The following KCMF1 variants were observed in gnomAD, a reference collection of about 807,000 sequenced individuals.
The protein encoded by KCMF1 is potassium channel modulatory factor 1, also known as E3 ubiquitin-protein ligase KCMF1.
In KCMF1, 3 loss-of-function variants were observed where a neutral mutation model predicts 41.1. That is an observed-to-expected ratio of 0.07 (90% CI 0.03 to 0.19). The LOEUF (loss-of-function observed/expected upper bound fraction) is 0.19, where lower values mean the gene tolerates loss of function less well. Among genes scored for constraint, KCMF1 ranks in the 10% least tolerant of loss-of-function variants. The probability of loss-of-function intolerance (pLI) is 1.00; values close to 1 mark genes in which losing one functional copy is unlikely to be tolerated. For synonymous variants in KCMF1, 142 were observed against 164.5 expected (o/e 0.86, Z 1.04); for missense variants, 286 against 488.9 (o/e 0.58, Z 3.91).
chr2:85,048,712 A>G (rs1675729897), intron 5 of KCMF1, among the ~76,000 whole-genome samples: 1 of 152,228 alleles, frequency 6.6e-6, no homozygotes, highest in Non-Finnish European at 1.5e-5. Context: ...ACAGGCCACT[A>G]AGTAGGCTGT....
At chr2:85,039,899 G>A (rs1023137610) in intron 3 of KCMF1, among the ~76,000 whole-genome samples, 39 of 152,066 alleles carry the variant, frequency 2.6e-4, no homozygotes, top group African/African-American at 9.4e-4. Context: ...TGCAACCTCT[G>A]CCTCCCAAGT....
At chr2:84,979,473 G>A (rs1214453053) in intron 1 of KCMF1, among the ~76,000 whole-genome samples, 1 of 149,812 alleles carries the variant, frequency 6.7e-6, no homozygotes, top group African/African-American at 2.5e-5. Flanking sequence ...GCAGTGAGCT[G>A]AGATCACCCA....
At position 85,054,460 on chromosome 2, in the gene KCMF1, C is replaced by CT. The variant is rs1370228200; in HGVS notation, c.*1055dup. 6.6e-6 allele frequency: 1 copy of CT among 152,024 alleles called. No individual in the cohort carries two copies. The highest frequency in any genetic ancestry group is 2.4e-5 in the African/African-American group (1 of 41,390). 9.4% of individuals were successfully genotyped at this position (152,024 alleles called of 1,614,324 possible). A position where few individuals can be genotyped will look rare whatever the true frequency, so the allele number is the denominator to read the frequency against. ...AAATTCTTAATGCTAATTTTAGCAC[C>CT]TTTTATTTATTGGGTTTTTTCTGGC... is the stretch of plus-strand genomic sequence containing the variant. On this transcript the variant is annotated 3_prime_UTR_variant, in exon 7 of 7. Coordinates refer to ENST00000409785, the MANE Select transcript of KCMF1 (RefSeq NM_020122.5).
intron 1 of KCMF1, among the ~76,000 whole-genome samples, chr2:85,021,970 C>T (rs1258115214): frequency 6.6e-6 from 1 of 152,000 alleles, no homozygotes; most frequent in African/African-American, 2.4e-5. Flanking sequence ...GTGCCTGCCA[C>T]CACGCCTGGC....
intron 6 of KCMF1, among the ~76,000 whole-genome samples, chr2:85,051,950 C>A (rs1393174505): frequency 6.6e-6 from 1 of 152,186 alleles, no homozygotes; most frequent in African/African-American, 2.4e-5. Context: ...TATTTTTGGT[C>A]TTTTCTTTGA....
intron 1 of KCMF1, among the ~76,000 whole-genome samples, chr2:84,982,796 C>CA (rs1673799189): frequency 6.6e-6 from 1 of 152,126 alleles, no homozygotes; most frequent in African/African-American, 2.4e-5. Flanking sequence ...TCTTGATGTT[C>CA]AGTCTGACAC....
At chr2:85,020,482 G>A (rs748758997) in intron 1 of KCMF1, among the ~76,000 whole-genome samples, 12 of 152,166 alleles carry the variant, frequency 7.9e-5, no homozygotes, top group Non-Finnish European at 1.5e-4. Context: ...AGGCTGGAGC[G>A]CAGTGGCACA....
intron 1 of KCMF1, among the ~76,000 whole-genome samples, chr2:85,022,245 G>A (rs984281539): frequency 6.6e-6 from 1 of 152,062 alleles, no homozygotes; most frequent in Non-Finnish European, 1.5e-5. Context: ...GCTGACACAG[G>A]CAGATTGCTT....
intron 1 of KCMF1, among the ~76,000 whole-genome samples, chr2:85,000,856 GC>G (rs1024283830): frequency 6.6e-4 from 97 of 147,174 alleles, no homozygotes; most frequent in African/African-American, 2.3e-3. Context: ...ATAGCTCACT[GC>G]AGCTTTGCAC....
chr2:85,046,010 A>G (rs1675658422), intron 4 of KCMF1, 94 bp from the exon 5 acceptor site: 1 of 1,031,108 alleles, frequency 9.7e-7, no homozygotes, highest in Non-Finnish European at 1.4e-6. Context: ...AATGCTTACA[A>G]TTCAGGAAAT....
rs980289472 is a variant in KCMF1, at chr2:85,054,600, C to G, written c.*1191C>G. The G allele has an allele frequency of 6.6e-6, 1 of 151,740 alleles. No homozygotes were observed. The highest frequency in any genetic ancestry group is 6.6e-5 in the Admixed American group (1 of 15,226). The allele number at this position is 151,740 out of a possible 1,614,324, so 9.4% of individuals were successfully genotyped here. A position where few individuals can be genotyped will look rare whatever the true frequency, so the allele number is the denominator to read the frequency against. On this transcript the variant is annotated 3_prime_UTR_variant, in exon 7 of 7. Transcript: ENST00000409785. The stretch of plus-strand genomic sequence containing the variant: ...GGTTTGTTTTGGGGTTTGGAAGGGC[C>G]GGGTTATTTTTTATTTCCTGTTTCA...
Sources: gnomAD v4.1 joint callset for allele counts (sites outside exome capture counted in the v4.1 genomes callset) on GRCh38, gnomAD v4.1.1 for gene constraint, MANE v1.5 for transcripts, NCBI Gene and HGNC (gene_info 2026-07-23, HGNC 2026-07-21) for gene names.